Variants in NELL1 observed in about 807,000 individuals in gnomAD.
The protein encoded by NELL1 is neural EGFL like 1.
In NELL1, 76 loss-of-function variants were observed where a neutral mutation model predicts 107.4. The ratio of observed to expected loss-of-function variants is 0.71; its 90% CI spans 0.59 to 0.86. NELL1 has a LOEUF of 0.86. NELL1 is among the 40% of genes least tolerant of loss of function. NELL1 has a pLI of 0.00. For missense variants in NELL1, 1,024 were observed against 1,005.5 expected (o/e 1.02, Z -0.25); for synonymous variants, 353 against 341.2 (o/e 1.03, Z -0.38).
At chr11:21,270,948 A>C (rs1848727123) in intron 14 of NELL1, among the ~76,000 whole-genome samples, 1 of 152,164 alleles carries the variant, frequency 6.6e-6, no homozygotes, top group South Asian at 2.1e-4. Flanking sequence ...AAATCTCAAA[A>C]GAAATTAAAA....
rs1246225276 is a variant in NELL1 at position 20,677,967 on chromosome 11, G to C, written c.91G>C (p.Asp31His). The C allele has an allele frequency of 1.2e-6, 2 of 1,614,094 alleles. No individual in the cohort carries two copies. The highest frequency in any genetic ancestry group is 1.1e-5 in the South Asian group (1 of 91,064). The change falls in exon 2 of 20, where the codon GAT becomes CAT. Residue 31 changes from aspartate (D) to histidine (H), a missense_variant. Physicochemically the swap from Asp to His is moderately conservative, Grantham distance 81. Transcript: ENST00000357134. ...TGGGATGGACCCTGACCTTCAGATG[G>C]ATATCGTCACCGAGCTTGACCTTGT... ...GFGMDPDLQM[D>H]IVTELDLVNT...
At chr11:21,318,772 C>G (rs1375917168) in intron 14 of NELL1, among the ~76,000 whole-genome samples, 1 of 151,476 alleles carries the variant, frequency 6.6e-6, no homozygotes, top group Non-Finnish European at 1.5e-5. Flanking sequence ...GACATTTTTT[C>G]TTTCTGTTGT....
chr11:20,740,100 C>A (rs1159534914), intron 2 of NELL1, among the ~76,000 whole-genome samples: 2 of 152,200 alleles, frequency 1.3e-5, no homozygotes, highest in Non-Finnish European at 2.9e-5. Context: ...ATAGCCAACA[C>A]TTATTGAGTG....
chr11:20,906,251 G>A lies in NELL1; in HGVS notation c.604-11931G>A, dbSNP rs1225757948. On this transcript the variant is annotated intron_variant, in intron 5 of 19. Transcript: ENST00000357134. ...CCTAGATGAAATGGACAAATTCCTAGAAACACATAACCAACCAGGACTGGA... is the reference window on the plus strand; with the variant it reads ...CCTAGATGAAATGGACAAATTCCTAAAAACACATAACCAACCAGGACTGGA... Among the ~76,000 whole-genome samples, 4 of 152,022 alleles carry A rather than the reference G, an allele frequency of 2.6e-5. No individual in the cohort carries two copies. The East Asian group carries it at 7.7e-4, about 29-fold the overall frequency.
At chr11:20,976,113 C>A (rs1394461276) in intron 12 of NELL1, among the ~76,000 whole-genome samples, 1 of 129,540 alleles carries the variant, frequency 7.7e-6, no homozygotes. Flanking sequence ...CATATCTGTA[C>A]ATATATGTAT....
At chr11:21,376,812 T>A (rs529412482) in intron 15 of NELL1, among the ~76,000 whole-genome samples, 1 of 152,182 alleles carries the variant, frequency 6.6e-6, no homozygotes, top group African/African-American at 2.4e-5. Flanking sequence ...GTGGCTATTG[T>A]AAATGGAATT....
chr11:21,482,274 C>T (rs980534331), intron 15 of NELL1, among the ~76,000 whole-genome samples: 1 of 152,188 alleles, frequency 6.6e-6, no homozygotes, highest in African/African-American at 2.4e-5. Flanking sequence ...TAATCTCCAA[C>T]AGACCCCACG....
At chr11:21,067,141 A>C (rs2134372288) in intron 12 of NELL1, among the ~76,000 whole-genome samples, 1 of 152,142 alleles carries the variant, frequency 6.6e-6, no homozygotes, top group Admixed American at 6.5e-5. Flanking sequence ...GCTTCATGAA[A>C]GTATATTTAT....
At chr11:21,406,230 G>C (rs2133804265) in intron 15 of NELL1, among the ~76,000 whole-genome samples, 1 of 152,074 alleles carries the variant, frequency 6.6e-6, no homozygotes, top group South Asian at 2.1e-4. Flanking sequence ...TATTCTTGCT[G>C]TTCTTCAGTC....
chr11:21,041,551 T>C (rs998362821), intron 12 of NELL1, among the ~76,000 whole-genome samples: 39 of 152,282 alleles, frequency 2.6e-4, no homozygotes, highest in African/African-American at 9.1e-4. Context: ...CAAGAGAATG[T>C]GTAAGTTGCT....
intron 2 of NELL1, among the ~76,000 whole-genome samples, chr11:20,713,162 C>A (rs1855154558): frequency 6.6e-6 from 1 of 152,102 alleles, no homozygotes; most frequent in African/African-American, 2.4e-5. Context: ...TATAAGCTTG[C>A]CCTAAGTTGA....
chr11:21,042,830 G>A (rs547335913), intron 12 of NELL1, among the ~76,000 whole-genome samples: 6 of 152,064 alleles, frequency 3.9e-5, no homozygotes, highest in Admixed American at 1.3e-4. Context: ...GTATTTTACC[G>A]TATTTGGCTT....
intron 12 of NELL1, among the ~76,000 whole-genome samples, chr11:20,964,791 T>C (rs10833416): frequency 0.27 from 40,739 of 152,074 alleles, 5,757 homozygotes; most frequent in East Asian, 0.5. Context: ...AAGGAGCTTT[T>C]GCAGAATTCC....
At chr11:21,117,989 TAGTG>T (rs1305554696) in intron 13 of NELL1, among the ~76,000 whole-genome samples, 1 of 152,066 alleles carries the variant, frequency 6.6e-6, no homozygotes, top group African/African-American at 2.4e-5. Context: ...CATGCCTATA[TAGTG>T]AGTGATACTA....
intron 15 of NELL1, among the ~76,000 whole-genome samples, chr11:21,394,048 G>C (rs991935025): frequency 6.6e-6 from 1 of 151,542 alleles, no homozygotes; most frequent in Non-Finnish European, 1.5e-5. Context: ...TCAGATATAC[G>C]CAAGGGCACA....
At chr11:21,016,287 T>C (rs1035183060) in intron 12 of NELL1, among the ~76,000 whole-genome samples, 1 of 152,112 alleles carries the variant, frequency 6.6e-6, no homozygotes, top group Non-Finnish European at 1.5e-5. Flanking sequence ...CTAGAGAAGC[T>C]TTGGGATAAA....
chr11:20,825,234 G>T (rs1374418532), intron 3 of NELL1, among the ~76,000 whole-genome samples: 1 of 151,438 alleles, frequency 6.6e-6, no homozygotes, highest in Non-Finnish European at 1.5e-5. Context: ...TGCTAGGGCA[G>T]TACAGAAAGG....
intron 15 of NELL1, among the ~76,000 whole-genome samples, chr11:21,495,293 G>A (rs1024553886): frequency 5.9e-5 from 9 of 152,066 alleles, no homozygotes; most frequent in African/African-American, 1.4e-4. Context: ...TTCACTGAGC[G>A]TAGTGTTTTT....
At chr11:20,944,194 GTTGACAAAAGGATGC>G (rs1415483768) in intron 10 of NELL1, among the ~76,000 whole-genome samples, 2 of 152,082 alleles carry the variant, frequency 1.3e-5, no homozygotes, top group African/African-American at 2.4e-5. Flanking sequence ...CTGTCATTCA[GTTGACAAAAGGATGC>G]CTGGAGATCC....
Sources: gnomAD v4.1 joint callset for allele counts (sites outside exome capture counted in the v4.1 genomes callset) on GRCh38, gnomAD v4.1.1 for gene constraint, MANE v1.5 for transcripts, NCBI Gene and HGNC (gene_info 2026-07-23, HGNC 2026-07-21) for gene names.